Variants in LARP1 observed in about 807,000 individuals in gnomAD.
LARP1 encodes the protein la-related protein 1.
Under a neutral mutation model 122.7 loss-of-function variants are expected in LARP1, and 36 were observed. The ratio of observed to expected loss-of-function variants is 0.29; its 90% confidence interval spans 0.22 to 0.39. The LOEUF (loss-of-function observed/expected upper bound fraction) is 0.39. LARP1 is among the 10% of genes least tolerant of loss of function. LARP1 has a pLI of 1.00. For synonymous variants in LARP1, 539 were observed against 528.7 expected (o/e 1.02, Z -0.27); for missense variants, 1,040 against 1,403.6 (o/e 0.74, Z 4.14).
intron 1 of LARP1, among the ~76,000 whole-genome samples, chr5:154,772,494 C>T (rs570684016): frequency 6.6e-5 from 10 of 152,164 alleles, no homozygotes; most frequent in Admixed American, 5.9e-4. Context: ...ATTTCAAGAC[C>T]CTCCAGTAGA....
chr5:154,806,437 T>C (rs1483034202), intron 15 of LARP1, among the ~76,000 whole-genome samples: 1 of 152,224 alleles, frequency 6.6e-6, no homozygotes, highest in Non-Finnish European at 1.5e-5. Flanking sequence ...GCCAGTATTC[T>C]GTTTTCGTAT....
At chr5:154,768,789 C>G (rs1053239267) in intron 1 of LARP1, among the ~76,000 whole-genome samples, 2 of 152,122 alleles carry the variant, frequency 1.3e-5, no homozygotes, top group Admixed American at 1.3e-4. Context: ...ACTATGTTGG[C>G]CAGGCTGGTC....
At chr5:154,791,134 GTTTTTT>G (rs778607471) in intron 3 of LARP1, among the ~76,000 whole-genome samples, 16 of 116,276 alleles carry the variant, frequency 1.4e-4, no homozygotes, top group Admixed American at 7.9e-4. Context: ...GTTTTTTGTT[GTTTTTT>G]TTTTTTTTTT....
intron 8 of LARP1, among the ~76,000 whole-genome samples, chr5:154,797,221 GTTTTTTTTTTTTTTTT>G (rs1158010359): frequency 1.3e-4 from 4 of 29,748 alleles, no homozygotes; most frequent in Admixed American, 5.1e-4. Context: ...TGTTGTTGTT[GTTTTTTTTTTTTTTTT>G]TTTTTTTTTT....
At chr5:154,778,708 A>C (rs986636941) in intron 1 of LARP1, among the ~76,000 whole-genome samples, 3 of 152,196 alleles carry the variant, frequency 2.0e-5, no homozygotes, top group African/African-American at 7.2e-5. Flanking sequence ...ATCCATAGCA[A>C]GAGCTCTGGT....
intron 1 of LARP1, among the ~76,000 whole-genome samples, chr5:154,696,314 G>A (rs1255739345): frequency 6.6e-6 from 1 of 152,166 alleles, no homozygotes; most frequent in African/African-American, 2.4e-5. Flanking sequence ...CCGATATTGT[G>A]CCACTACTCT....
chr5:154,780,524 C>G (rs998978605), intron 1 of LARP1, among the ~76,000 whole-genome samples: 1 of 152,156 alleles, frequency 6.6e-6, no homozygotes, highest in East Asian at 1.9e-4. Flanking sequence ...TGCCAAAGAG[C>G]TCTAGATTGG....
chr5:154,811,205 G>T (rs746452504), intron 16 of LARP1, 42 bp from the exon 17 acceptor site: 1 of 1,456,950 alleles, frequency 6.9e-7, no homozygotes. Context: ...CCGTTTTACA[G>T]ATGAAGAAAC....
intron 1 of LARP1, among the ~76,000 whole-genome samples, chr5:154,759,678 C>G (rs1754286045): frequency 6.6e-6 from 1 of 151,996 alleles, no homozygotes; most frequent in African/African-American, 2.4e-5. Context: ...ACAGATAGTC[C>G]CCAACTTATG....
upstream of LARP1, among the ~76,000 whole-genome samples, chr5:154,754,789 C>G (rs1353173207): frequency 1.3e-5 from 2 of 152,176 alleles, no homozygotes; most frequent in Non-Finnish European, 2.9e-5. Context: ...CAAGGTCACC[C>G]GGGCGGGGAC....
chr5:154,685,584 C>T lies in LARP1; in HGVS notation c.-180+2547C>T, dbSNP rs143430884. Among the ~76,000 whole-genome samples the T allele has an allele frequency of 5.6e-4, 85 of 152,182 alleles. 2 individuals carry two copies. The highest frequency in any genetic ancestry group is 2.0e-3 in the African/African-American group (84 of 41,544). ...GGCTGCATGTACATAGGGAAGTCACCGTATCTACTTAGATTCTAAGTTTAT... is the reference window on the plus strand; with the variant it reads ...GGCTGCATGTACATAGGGAAGTCACTGTATCTACTTAGATTCTAAGTTTAT... On this transcript the variant is annotated intron_variant, in intron 1 of 18. Transcript: ENST00000687700.
chr5:154,695,103 C>T (rs1033349212), intron 1 of LARP1, among the ~76,000 whole-genome samples: 16 of 152,140 alleles, frequency 1.1e-4, no homozygotes, highest in Non-Finnish European at 1.9e-4. Context: ...ATTACGAGGT[C>T]AGCAGATCGA....
At chr5:154,757,360 C>T (rs768912054) in intron 1 of LARP1, 1 of 151,640 alleles carries the variant, frequency 6.6e-6, no homozygotes, top group Non-Finnish European at 1.5e-5. Flanking sequence ...AATATGGAGT[C>T]TGCTCTTGCA....
intron 1 of LARP1, among the ~76,000 whole-genome samples, chr5:154,696,035 G>C (rs1754457163): frequency 6.6e-6 from 1 of 151,992 alleles, no homozygotes; most frequent in Non-Finnish European, 1.5e-5. Context: ...TTATCTCAGA[G>C]TGTCCAGTAC....
Position 154,808,543 on chromosome 5 carries a change from A to G in LARP1, c.2783A>G (p.Asn928Ser). Residue 928 changes from asparagine to serine, a missense_variant, in exon 16 of 19, where the codon AAC (asparagine) becomes AGC (serine). Around this residue, in one of 8 missense-constraint regions of LARP1, gnomAD observed 59 missense variants for 137.2 expected, o/e 0.43. Coordinates refer to ENST00000518297, the MANE Select transcript of LARP1 (RefSeq NM_033551.3). Reference protein sequence around the residue: ...FWSFFLRDHFNKKMYEEFKQL... With the variant: ...FWSFFLRDHFSKKMYEEFKQL... ...TCCTTCTTCCTCCGAGATCACTTCA[A>G]CAAAAAGATGTATGAGGAGTTCAAG... The G allele has an allele frequency of 6.2e-7, 1 of 1,614,018 alleles. No homozygotes were observed. Among genetic ancestry groups the G allele is most frequent in the East Asian group, 2.2e-5 (1 of 44,876 alleles).
intron 1 of LARP1, among the ~76,000 whole-genome samples, chr5:154,737,356 T>C (rs1190185670): frequency 2.6e-5 from 4 of 151,838 alleles, no homozygotes; most frequent in Non-Finnish European, 5.9e-5. Flanking sequence ...GTTGTTTTAA[T>C]GCAATTCTAG....
chr5:154,808,892 C>G (rs951569481), intron 16 of LARP1, among the ~76,000 whole-genome samples: 7 of 152,140 alleles, frequency 4.6e-5, no homozygotes. Flanking sequence ...ATAAAGGACC[C>G]TATGTAAGTA....
At chr5:154,775,566 G>C (rs543520312) in intron 1 of LARP1, among the ~76,000 whole-genome samples, 1 of 151,650 alleles carries the variant, frequency 6.6e-6, no homozygotes, top group African/African-American at 2.4e-5. Flanking sequence ...GGTTGCAGAT[G>C]GTTCTAGAGC....
At chr5:154,688,642 A>C (rs1420194560) in intron 1 of LARP1, among the ~76,000 whole-genome samples, 1 of 119,534 alleles carries the variant, frequency 8.4e-6, no homozygotes, top group Non-Finnish European at 1.6e-5. Context: ...CGGCAGAGGA[A>C]GACTCCATCT....
Sources: gnomAD v4.1 joint callset for allele counts (sites outside exome capture counted in the v4.1 genomes callset) on GRCh38, gnomAD v4.1.1 for gene constraint, gnomAD v4.1.1 regional missense constraint, MANE v1.5 for transcripts, NCBI Gene and HGNC (gene_info 2026-07-23, HGNC 2026-07-21) for gene names.